HSD17B7: variants seen among roughly 807,000 people sequenced by gnomAD.
The protein encoded by HSD17B7 is hydroxysteroid 17-beta dehydrogenase 7.
Under a neutral mutation model 34.1 loss-of-function variants are expected in HSD17B7, and 17 were observed. That is an observed-to-expected ratio of 0.50 (90% CI 0.34 to 0.75). The LOEUF is 0.75. Ranked by LOEUF, HSD17B7 falls within the 30% of genes least tolerant of loss-of-function variation. HSD17B7 has a pLI of 0.01. For synonymous variants in HSD17B7, 122 were observed against 154.6 expected, an observed-to-expected ratio of 0.79 and a Z score of 1.56; for missense variants, 296 against 406.6, an observed-to-expected ratio of 0.73 and a Z score of 2.34.
intron 3 of HSD17B7, among the ~76,000 whole-genome samples, chr1:162,797,020 G>A (rs1780018): frequency 0.96 from 145,396 of 152,226 alleles, 69,794 homozygotes; most frequent in East Asian, 1. Context: ...ACTTTGAACT[G>A]TTTCCCAGCT....
chr1:162,798,303 C>A (rs1648688653), intron 4 of HSD17B7: 1 of 167,694 alleles, frequency 6.0e-6, no homozygotes, highest in Non-Finnish European at 1.3e-5. Context: ...CTGTTTTTGC[C>A]TAATGTCTTT....
At chr1:162,801,720 A>C (rs1403154642) in intron 5 of HSD17B7, among the ~76,000 whole-genome samples, 2 of 151,972 alleles carry the variant, frequency 1.3e-5, no homozygotes, top group Admixed American at 6.6e-5. Context: ...ATTGGCTGTT[A>C]ATATTGCAGG....
intron 8 of HSD17B7, among the ~76,000 whole-genome samples, chr1:162,809,701 G>A (rs1649110412): frequency 6.6e-6 from 1 of 152,094 alleles, no homozygotes; most frequent in African/African-American, 2.4e-5. Flanking sequence ...TTGGGAGGGT[G>A]TAAGTGTCCA....
intron 8 of HSD17B7, among the ~76,000 whole-genome samples, chr1:162,810,491 T>G (rs372145569): frequency 3.9e-5 from 6 of 152,160 alleles, no homozygotes; most frequent in Non-Finnish European, 5.9e-5. Flanking sequence ...CTGAGTTCAA[T>G]TCCTGGATAT....
intron 2 of HSD17B7, chr1:162,795,733 G>T (rs1570998382): frequency 2.3e-6 from 1 of 433,726 alleles, no homozygotes; most frequent in Non-Finnish European, 4.6e-6. Context: ...GAGACAGTTT[G>T]GTACATAGAA....
At chr1:162,793,085 G>A (rs1648472502) in intron 2 of HSD17B7, 2 of 361,886 alleles carry the variant, frequency 5.5e-6, no homozygotes, top group Non-Finnish European at 5.1e-6. Flanking sequence ...CCAGGCTGGA[G>A]TGCAATGGCG....
At chr1:162,793,837 T>A (rs999535634) in intron 2 of HSD17B7, among the ~76,000 whole-genome samples, 1 of 151,784 alleles carries the variant, frequency 6.6e-6, no homozygotes, top group Non-Finnish European at 1.5e-5. Context: ...AATCTTATAT[T>A]AGTTGGGTGG....
At chr1:162,793,505 A>C (rs1208366382) in intron 2 of HSD17B7, among the ~76,000 whole-genome samples, 1 of 152,208 alleles carries the variant, frequency 6.6e-6, no homozygotes, top group African/African-American at 2.4e-5. Context: ...ATGGAGACTA[A>C]GTTATGAGTA....
rs755758553 is a variant in HSD17B7, at chr1:162,803,520, G to A, written c.732G>A (p.Met244Ile). ...ILPPFIWTLL[M>I]PAILLLRFFA... ...CTCCGTTTATATGGACGCTGTTGAT[G>A]CCGGCAATATTGCTAGTAAGTGATG... The change falls in exon 6 of 9, where the codon ATG (methionine) becomes ATA (isoleucine). Residue 244 changes from methionine to isoleucine, a missense_variant. Met to Ile is a conservative substitution (Grantham distance 10). Transcript: ENST00000254521. 1 of 1,612,490 alleles carries A rather than the reference G, an allele frequency of 6.2e-7. No individual in the cohort carries two copies. The highest frequency in any genetic ancestry group is 8.5e-7 in the Non-Finnish European group (1 of 1,178,922).
intron 2 of HSD17B7, among the ~76,000 whole-genome samples, chr1:162,795,923 T>C (rs1188815012): frequency 6.6e-6 from 1 of 152,216 alleles, no homozygotes; most frequent in Non-Finnish European, 1.5e-5. Context: ...CAGCATTTCA[T>C]ATCCCTTCCG....
Position 162,812,399 on chromosome 1 carries a change from G to C in HSD17B7, c.1005G>C (p.Arg335Ser). The change falls in exon 9 of 9, where the codon AGG (arginine) becomes AGC (serine). Residue 335 changes from arginine (R) to serine (S), a missense_variant. Physicochemically the swap from Arg to Ser is moderately radical, Grantham distance 110. Coordinates refer to ENST00000254521, the MANE Select transcript of HSD17B7 (RefSeq NM_016371.4). ...VTIQKTDNQA[R>S]LSGSCL ...TTCAAAAAACAGATAATCAGGCCAGGCTCAGTGGCTCATGCCTATAATTCC... is the reference window on the plus strand; with the variant it reads ...TTCAAAAAACAGATAATCAGGCCAGCCTCAGTGGCTCATGCCTATAATTCC... 1.3e-6 allele frequency: 2 copies of C among 1,592,640 alleles called. No homozygotes were observed. Among genetic ancestry groups the C allele is most frequent in the Non-Finnish European group, 8.6e-7 (1 of 1,167,972 alleles).
Position 162,792,823 on chromosome 1 carries a change from T to C in HSD17B7, c.200T>C (p.Leu67Pro). ...VTIVQVDVSN[L>P]QSVFRASKEL... ...ATTGTCCAGGTGGATGTCAGCAACCTGCAGTCGGTCTTCCGGGCCTCCAAG... is the reference window on the plus strand; with the variant it reads ...ATTGTCCAGGTGGATGTCAGCAACCCGCAGTCGGTCTTCCGGGCCTCCAAG... Residue 67 changes from leucine (L) to proline (P), a missense_variant, in exon 2 of 9, where the codon CTG (leucine) becomes CCG (proline). Coordinates refer to ENST00000254521, the MANE Select transcript of HSD17B7 (RefSeq NM_016371.4). 1 of 1,614,240 alleles carries C rather than the reference T, an allele frequency of 6.2e-7. No individual in the cohort carries two copies. The highest frequency in any genetic ancestry group is 8.5e-7 in the Non-Finnish European group (1 of 1,180,040).
intron 2 of HSD17B7, 91 bp from the exon 3 acceptor site, chr1:162,796,494 T>C: frequency 1.3e-6 from 1 of 756,400 alleles, no homozygotes; most frequent in Non-Finnish European, 2.2e-6. Context: ...TTAGGCCTCC[T>C]TGATTCTAGT....
intron 7 of HSD17B7, among the ~76,000 whole-genome samples, chr1:162,804,963 A>T (rs1030369442): frequency 1.3e-5 from 2 of 152,244 alleles, no homozygotes; most frequent in African/African-American, 4.8e-5. Flanking sequence ...CTACATAAAA[A>T]GCCCACTGTA....
At chr1:162,794,754 A>G (rs536757558) in intron 2 of HSD17B7, among the ~76,000 whole-genome samples, 2 of 152,216 alleles carry the variant, frequency 1.3e-5, no homozygotes, top group South Asian at 4.1e-4. Flanking sequence ...TTCATTTCCC[A>G]GTTAATAATA....
At chr1:162,804,194 T>C (rs2665498) in intron 6 of HSD17B7, 73 bp from the exon 7 acceptor site, 50,748 of 1,113,840 alleles carry the variant, frequency 0.046, 1,562 homozygotes, top group East Asian at 0.11. Context: ...TTTTAAAAAA[T>C]ATTTAAATGA....
chr1:162,793,284 C>T (rs557283319), intron 2 of HSD17B7, among the ~76,000 whole-genome samples: 9 of 152,330 alleles, frequency 5.9e-5, no homozygotes, highest in Admixed American at 1.3e-4. Flanking sequence ...CCACCCGCCT[C>T]GGCCTCCCAA....
In HSD17B7 at chr1:162,805,356, C is replaced by T. The variant is rs533277965; in HGVS notation, c.805-38C>T. ...CTCCACCAGCCTCACTCATCTTGGG[C>T]AGAAGAAACAAATCATTGACACATC... On this transcript the variant is annotated intron_variant, in intron 7 of 8. Coordinates refer to ENST00000254521, the MANE Select transcript of HSD17B7 (RefSeq NM_016371.4). The T allele has an allele frequency of 2.5e-6, 4 of 1,606,262 alleles. No individual in the cohort carries two copies. In the African/African-American group the frequency reaches 4.0e-5, roughly 16 times the overall value.
At chr1:162,792,502 A>G in intron 1 of HSD17B7, 157 bp from the exon 2 acceptor site, 1 of 889,118 alleles carries the variant, frequency 1.1e-6, no homozygotes, top group Admixed American at 2.9e-5. Context: ...ATTGGAGTGT[A>G]GGATTCCTCC....
Sources: allele counts gnomAD v4.1 joint callset (sites outside exome capture counted in the v4.1 genomes callset), GRCh38; gene constraint gnomAD v4.1.1; transcripts MANE v1.5; gene names NCBI Gene and HGNC (gene_info 2026-07-23, HGNC 2026-07-21).